Variants in ADAM11 observed in about 807,000 individuals in gnomAD.
The protein encoded by ADAM11 is ADAM metallopeptidase domain 11.
Under a neutral mutation model 119.1 loss-of-function variants are expected in ADAM11, and 49 were observed. That is an observed-to-expected ratio of 0.41 (90% CI 0.33 to 0.52). The LOEUF (loss-of-function observed/expected upper bound fraction) is 0.52, where lower values mean the gene tolerates loss of function less well. ADAM11 is among the 20% of genes least tolerant of loss of function. The pLI, the probability that ADAM11 is intolerant of heterozygous loss-of-function variation, is 0.20. For synonymous variants in ADAM11, 364 were observed against 408.0 expected (o/e 0.89, Z 1.30); for missense variants, 777 against 1,047.5 (o/e 0.74, Z 3.56).
rs2049581411 is a variant in ADAM11, at chr17:44,775,156, G to A, written c.1221-56G>A. The A allele has an allele frequency of 7.0e-7, 1 of 1,423,200 alleles. No homozygotes were observed. The highest frequency in any genetic ancestry group is 1.7e-5 in the Admixed American group (1 of 59,144). The allele number at this position is 1,423,200 out of a possible 1,614,324, so 88.2% of individuals were successfully genotyped here. A position where few individuals can be genotyped will look rare whatever the true frequency, so the allele number is the denominator to read the frequency against. ...TGTACCCCCTCCCCAGCCTTGAGAG[G>A]GGTGAGGGTGGGTTGGAGGGGAGCA... On this transcript the variant is annotated intron_variant, in intron 14 of 26. Transcript: ENST00000200557. This position sits in a 1 kb window ranked among gnomAD's most constrained non-coding sequence, Gnocchi z 7.5.
At position 44,780,239 on chromosome 17, in the gene ADAM11, C is replaced by A; in HGVS notation, c.*485C>A. The A allele has an allele frequency of 2.3e-6, 1 of 443,006 alleles. No homozygotes were observed. The highest frequency in any genetic ancestry group is 1.6e-5 in the South Asian group (1 of 62,026). The allele number at this position is 443,006 out of a possible 1,614,324, so 27.4% of individuals were successfully genotyped here. On this transcript the variant is annotated 3_prime_UTR_variant, in exon 27 of 27. Transcript: ENST00000200557. The stretch of plus-strand genomic sequence containing the variant: ...AATGTAAACTCGGGGGTGCTGGGGC[C>A]AGGGCAGATGTGGGGATGTTTTGAC...
In ADAM11 at chr17:44,772,255, C is replaced by T. The variant is rs1252982956; in HGVS notation, c.544-12C>T. The T allele has an allele frequency of 1.9e-6, 3 of 1,604,708 alleles. No individual in the cohort carries two copies. The highest frequency in any genetic ancestry group is 1.7e-6 in the Non-Finnish European group (2 of 1,175,110). ...AGTTGGCACCCCAAGAACTAATTTCCCCTCATTGCAGGGACCCCTTCCCCA... is the reference window on the plus strand; with the variant it reads ...AGTTGGCACCCCAAGAACTAATTTCTCCTCATTGCAGGGACCCCTTCCCCA... On this transcript the variant is annotated splice_polypyrimidine_tract_variant and intron_variant, in intron 6 of 26. Coordinates refer to ENST00000200557, the MANE Select transcript of ADAM11 (RefSeq NM_002390.6). The surrounding 1 kb of genome is among the most constrained non-coding windows in gnomAD (Gnocchi z 4.5).
rs953825295 is a variant in ADAM11, at chr17:44,781,347, C to G, written c.*1593C>G. On this transcript the variant is annotated 3_prime_UTR_variant, in exon 27 of 27. Transcript: ENST00000200557. ...AGCAGTGGGGTCCACACACTGAGCT[C>G]CAGCTGGCACTGCCCACTCAAGGGC... 2 of 152,224 alleles carry G rather than the reference C, an allele frequency of 1.3e-5. No individual in the cohort carries two copies. Among genetic ancestry groups the G allele is most frequent in the Non-Finnish European group, 2.9e-5 (2 of 68,052 alleles). 9.4% of individuals were successfully genotyped at this position (152,224 alleles called of 1,614,324 possible).
chr17:44,772,824 G>A lies in ADAM11; in HGVS notation c.679-33G>A. On this transcript the variant is annotated intron_variant, in intron 8 of 26. Transcript: ENST00000200557. This position sits in a 1 kb window ranked among gnomAD's most constrained non-coding sequence, Gnocchi z 4.5. Reference sequence around the variant, plus strand: ...GCCATGAGATCAGTCAGACATGGAAGGGACTGATTCCAAGTGCCCACCCAC... The same window carrying A: ...GCCATGAGATCAGTCAGACATGGAAAGGACTGATTCCAAGTGCCCACCCAC... The A allele has an allele frequency of 1.3e-6, 2 of 1,599,510 alleles. No homozygotes were observed. The highest frequency in any genetic ancestry group is 8.6e-7 in the Non-Finnish European group (1 of 1,167,750).
In ADAM11 at chr17:44,777,421, G is replaced by C. The variant is rs117078235; in HGVS notation, c.1782-61G>C. ...CAGGGTGCAGGGTGAGGGCAGATTA[G>C]AGTTCAGTAGTTGAGTCTGAGGTCA... On this transcript the variant is annotated intron_variant, in intron 21 of 26. Coordinates refer to ENST00000200557, the MANE Select transcript of ADAM11 (RefSeq NM_002390.6). This position sits in a 1 kb window ranked among gnomAD's most constrained non-coding sequence, Gnocchi z 5.1. 34 of 1,581,556 alleles carry C rather than the reference G, an allele frequency of 2.1e-5. No individual in the cohort carries two copies. In the East Asian group the frequency reaches 5.6e-4, roughly 26 times the overall value.
intron 25 of ADAM11, among the ~76,000 whole-genome samples, chr17:44,778,688 C>CAAAAAAAAAA (rs566515861): frequency 3.8e-5 from 2 of 52,416 alleles, no homozygotes; most frequent in Non-Finnish European, 7.2e-5. Context: ...AAGACTGCGT[C>CAAAAAAAAAA]AAAAAAAAAA....
At chr17:44,770,128 G>T in intron 4 of ADAM11, 80 bp downstream of exon 4, 1 of 1,523,096 alleles carries the variant, frequency 6.6e-7, no homozygotes, top group South Asian at 1.2e-5. Context: ...CAGGTGTAGG[G>T]ACAGGTGGCC....
chr17:44,773,386 G>A lies in ADAM11; in HGVS notation c.951G>A (p.Arg317=). ...TGGCCCGGCTCATGGTCTACCGACG[G>A]GAGGGTCTGCCTGAGCCCAGTGATG... is the stretch of plus-strand genomic sequence containing the variant. ...ETLARLMVYR[R]EGLPEPSDAT... Residue 317 remains arginine (R), a synonymous_variant, in exon 11 of 27, where the codon CGG becomes CGA. Coordinates refer to ENST00000200557, the MANE Select transcript of ADAM11 (RefSeq NM_002390.6). The surrounding 1 kb of genome is among the most constrained non-coding windows in gnomAD (Gnocchi z 4.6). 2 of 1,613,900 alleles carry A rather than the reference G, an allele frequency of 1.2e-6. No individual in the cohort carries two copies. The highest frequency in any genetic ancestry group is 8.5e-7 in the Non-Finnish European group (1 of 1,179,964).
Position 44,769,723 on chromosome 17 carries a change from C to G in ADAM11, c.243C>G (p.Val81=). 2 of 1,609,148 alleles carry G rather than the reference C, an allele frequency of 1.2e-6. No individual in the cohort carries two copies. The highest frequency in any genetic ancestry group is 2.2e-5 in the South Asian group (2 of 90,960). The part of the protein sequence containing the change: ...VRQEPPGGPP[V]HLAQVSFVIP... ...TCTGCCCTCCCCCCACCCAGCCTGT[C>G]CATCTGGCCCAGGTGAGTTTCGTCA... The change falls in exon 3 of 27, where the codon GTC becomes GTG. Residue 81 remains valine, a synonymous_variant. Transcript: ENST00000200557.
chr17:44,775,533 TGGGA>T lies in ADAM11; in HGVS notation c.1393-48_1393-45del. 1.3e-6 allele frequency: 2 copies of T among 1,566,910 alleles called. No homozygotes were observed. Among genetic ancestry groups the T allele is most frequent in the Non-Finnish European group, 1.7e-6 (2 of 1,159,984 alleles). On this transcript the variant is annotated intron_variant, in intron 16 of 26. Transcript: ENST00000200557. The surrounding 1 kb of genome is among the most constrained non-coding windows in gnomAD (Gnocchi z 7.5). Reference sequence around the variant, plus strand: ...GGGTGGGCACGAGGGAGCGTCTGAGTGGGAGGATTAGGGCTCGCCCGCCTCCTTC... The same window carrying T: ...GGGTGGGCACGAGGGAGCGTCTGAGTGGATTAGGGCTCGCCCGCCTCCTTC...
rs1269831982 is a variant in ADAM11 at position 44,772,064 on chromosome 17, T to A, written c.544-203T>A. On this transcript the variant is annotated intron_variant, in intron 6 of 26. Coordinates refer to ENST00000200557, the MANE Select transcript of ADAM11 (RefSeq NM_002390.6). The surrounding 1 kb of genome is among the most constrained non-coding windows in gnomAD (Gnocchi z 4.5). ...AGTGACCTCCCATTGGGCTCCAATGTCCTTTGCCCCTGTCTCTCAGGGTGC... is the reference window on the plus strand; with the variant it reads ...AGTGACCTCCCATTGGGCTCCAATGACCTTTGCCCCTGTCTCTCAGGGTGC... 6.6e-6 allele frequency among the ~76,000 whole-genome samples: 1 copy of A among 151,974 alleles called. No individual in the cohort carries two copies. Among genetic ancestry groups the A allele is most frequent in the East Asian group, 1.9e-4 (1 of 5,158 alleles).
Position 44,773,839 on chromosome 17 carries a change from T to A in ADAM11, c.992+412T>A, listed in dbSNP as rs947198035. 6.6e-6 allele frequency among the ~76,000 whole-genome samples: 1 copy of A among 152,072 alleles called. No individual in the cohort carries two copies. Among genetic ancestry groups the A allele is most frequent in the Non-Finnish European group, 1.5e-5 (1 of 68,010 alleles). ...GGCCAGGCGTGGTGGCTCATGCCTG[T>A]AATCTCAGCACTTTGGGAGGCCAAG... On this transcript the variant is annotated intron_variant, in intron 11 of 26. Transcript: ENST00000200557. This position sits in a 1 kb window ranked among gnomAD's most constrained non-coding sequence, Gnocchi z 4.6.
chr17:44,779,518 C>T (rs1192465289), intron 26 of ADAM11: 5 of 985,310 alleles, frequency 5.1e-6, no homozygotes, highest in Non-Finnish European at 4.8e-6. Flanking sequence ...ACTGGAGCTG[C>T]GCCCCTGGCA....
At chr17:44,779,655 A>C in intron 26 of ADAM11, 84 bp from the exon 27 acceptor site, 1 of 1,535,446 alleles carries the variant, frequency 6.5e-7, no homozygotes. Context: ...TCCAGGGCCC[A>C]GCACTGAGCT....
chr17:44,777,569 C>A lies in ADAM11; in HGVS notation c.1869C>A (p.Thr623=), dbSNP rs752703181. The change falls in exon 22 of 27, where the codon ACC becomes ACA. Residue 623 remains threonine (T), a synonymous_variant. Coordinates refer to ENST00000200557, the MANE Select transcript of ADAM11 (RefSeq NM_002390.6). The surrounding 1 kb of genome is among the most constrained non-coding windows in gnomAD (Gnocchi z 5.1). The part of the protein sequence containing the change: ...GDLVGDISSV[T]FYHQGKELDC... ...TGGTGGGAGACATCAGTAGTGTCAC[C>A]TTCTACCACCAGGGCAAGGAGCTGG... The A allele has an allele frequency of 6.2e-7, 1 of 1,614,174 alleles. No individual in the cohort carries two copies. Among genetic ancestry groups the A allele is most frequent in the South Asian group, 1.1e-5 (1 of 91,078 alleles).
In ADAM11 at chr17:44,781,454, A is replaced by ACTTCCCC. The variant is rs2145257055; in HGVS notation, c.*1702_*1703insTCCCCCT. The stretch of plus-strand genomic sequence containing the variant: ...GGGCGGGGGAAGGGCTGGGTGTTGC[A>ACTTCCCC]CTATTGCTGCGCTGCCTTAAGGCAT... On this transcript the variant is annotated 3_prime_UTR_variant, in exon 27 of 27. Coordinates refer to ENST00000200557, the MANE Select transcript of ADAM11 (RefSeq NM_002390.6). 6.6e-6 allele frequency: 1 copy of ACTTCCCC among 152,322 alleles called. No homozygotes were observed. Among genetic ancestry groups the ACTTCCCC allele is most frequent in the East Asian group, 1.9e-4 (1 of 5,168 alleles). The allele number at this position is 152,322 out of a possible 1,614,324, so 9.4% of individuals were successfully genotyped here.
At chr17:44,767,795 G>A (rs946032250) in intron 2 of ADAM11, among the ~76,000 whole-genome samples, 10 of 152,250 alleles carry the variant, frequency 6.6e-5, no homozygotes, top group African/African-American at 2.4e-4. Flanking sequence ...GGCTCTTAAG[G>A]TATCTGGCCT....
Position 44,776,940 on chromosome 17 carries a change from G to A in ADAM11, c.1659G>A (p.Gln553=). 6.2e-7 allele frequency: 1 copy of A among 1,612,978 alleles called. No homozygotes were observed. The highest frequency in any genetic ancestry group is 2.2e-5 in the East Asian group (1 of 44,816). Residue 553 remains glutamine (Q), a synonymous_variant, in exon 20 of 27, where the codon CAG becomes CAA. Transcript: ENST00000200557. This position sits in a 1 kb window ranked among gnomAD's most constrained non-coding sequence, Gnocchi z 5.2. ...YGGRCKTRDR[Q]CQVLWGHAAA... is the part of the protein sequence containing the mutation. Reference sequence around the variant, plus strand: ...GTCGCTGCAAAACCCGGGACCGGCAGTGCCAGGTTCTTTGGGGCCATGGTG... The same window carrying A: ...GTCGCTGCAAAACCCGGGACCGGCAATGCCAGGTTCTTTGGGGCCATGGTG...
Position 44,773,508 on chromosome 17 carries a change from T to C in ADAM11, c.992+81T>C. 1.3e-6 allele frequency: 2 copies of C among 1,506,080 alleles called. No individual in the cohort carries two copies. Among genetic ancestry groups the C allele is most frequent in the South Asian group, 2.5e-5 (2 of 79,362 alleles). The allele number at this position is 1,506,080 out of a possible 1,614,324, so 93.3% of individuals were successfully genotyped here. On this transcript the variant is annotated intron_variant, in intron 11 of 26. Transcript: ENST00000200557. The surrounding 1 kb of genome is among the most constrained non-coding windows in gnomAD (Gnocchi z 4.6). ...GGATTACTTAACACCTGCCCTGTGCTGGCTGCTCCTCTCAGAGTCTGGGGA... is the reference window on the plus strand; with the variant it reads ...GGATTACTTAACACCTGCCCTGTGCCGGCTGCTCCTCTCAGAGTCTGGGGA...
Sources: allele counts gnomAD v4.1 joint callset (sites outside exome capture counted in the v4.1 genomes callset), GRCh38; gene constraint gnomAD v4.1.1; non-coding constraint Gnocchi (gnomAD v3.1); transcripts MANE v1.5; gene names NCBI Gene and HGNC (gene_info 2026-07-23, HGNC 2026-07-21).